Variants in NCOA1 observed in about 807,000 individuals in gnomAD.
The protein encoded by NCOA1 is Hin-2 protein.
Under a neutral mutation model 150.9 loss-of-function variants are expected in NCOA1, and 35 were observed. The observed-to-expected ratio is 0.23, with a 90% CI of 0.18 to 0.31. The LOEUF is 0.31. NCOA1 is among the 10% of genes least tolerant of loss of function. The probability of loss-of-function intolerance (pLI) is 1.00; values close to 1 mark genes in which losing one functional copy is unlikely to be tolerated. For missense variants in NCOA1, 1,491 were observed against 1,749.3 expected, an observed-to-expected ratio of 0.85 and a Z score of 2.63; for synonymous variants, 590 against 630.0, an observed-to-expected ratio of 0.94 and a Z score of 0.95.
At chr2:24,673,647 T>C (rs1671779227) in intron 7 of NCOA1, among the ~76,000 whole-genome samples, 184 bp downstream of exon 7, 2 of 152,212 alleles carry the variant, frequency 1.3e-5, no homozygotes. Flanking sequence ...AAGTGAATAA[T>C]GAACATGAGA....
chr2:24,768,333 G>A lies in NCOA1; in HGVS notation c.4268G>A (p.Gly1423Glu), dbSNP rs777265939. 4 of 1,613,530 alleles carry A rather than the reference G, an allele frequency of 2.5e-6. No individual in the cohort carries two copies. The South Asian group carries it at 4.4e-5, about 18-fold the overall frequency. ...CTGGGAACTCAAAAGCCCACGTCAG[G>A]ACCACAGACCCCCCAGGCCCAGCAG... ...GPLGTQKPTSGPQTPQAQQKS... is the reference protein window; with the variant it reads ...GPLGTQKPTSEPQTPQAQQKS... The change falls in exon 23 of 23, where the codon GGA becomes GAA. Residue 1423 changes from glycine (G) to glutamate (E), a missense_variant. By Grantham distance (98) the Gly-to-Glu change is moderately conservative. Transcript: ENST00000348332.
chr2:24,616,386 A>G (rs537694253), intron 3 of NCOA1, among the ~76,000 whole-genome samples: 7 of 152,308 alleles, frequency 4.6e-5, no homozygotes, highest in African/African-American at 7.2e-5. Context: ...TCTTTCTCCA[A>G]TGTTCCCAAT....
At chr2:24,764,613 A>G (rs1408078155) in intron 22 of NCOA1, among the ~76,000 whole-genome samples, 1 of 152,250 alleles carries the variant, frequency 6.6e-6, no homozygotes, top group Middle Eastern at 3.2e-3. Context: ...AACCAAATCA[A>G]CTGAAGGTAA....
At chr2:24,638,528 T>C (rs1400307415) in intron 3 of NCOA1, among the ~76,000 whole-genome samples, 1 of 152,174 alleles carries the variant, frequency 6.6e-6, no homozygotes, top group Non-Finnish European at 1.5e-5. Context: ...TATATGGTAG[T>C]TGTATTTGTA....
rs1572622579 is a variant in NCOA1, at chr2:24,707,817, C to G, written c.2347C>G (p.Pro783Ala). The change falls in exon 13 of 23, where the codon CCA becomes GCA. Residue 783 changes from proline (P) to alanine (A), a missense_variant. Pro to Ala is a conservative substitution (Grantham distance 27). Transcript: ENST00000348332. ...VKVEKKEQMD[P>A]CNTNPTPMTK... ...AGTGGAAAAGAAAGAACAGATGGAT[C>G]CATGTAATACAAACCCAACCCCAAT... is the stretch of plus-strand genomic sequence containing the variant. 1.2e-5 allele frequency: 19 copies of G among 1,614,030 alleles called. No homozygotes were observed. Among genetic ancestry groups the G allele is most frequent in the Non-Finnish European group, 1.6e-5 (19 of 1,179,958 alleles).
At chr2:24,582,067 C>G (rs1457918575) in intron 2 of NCOA1, among the ~76,000 whole-genome samples, 1 of 152,140 alleles carries the variant, frequency 6.6e-6, no homozygotes, top group Non-Finnish European at 1.5e-5. Context: ...TGCCCACTTT[C>G]ATCACTCTTA....
At chr2:24,626,100 G>A (rs1337705140) in intron 3 of NCOA1, among the ~76,000 whole-genome samples, 1 of 152,158 alleles carries the variant, frequency 6.6e-6, no homozygotes, top group East Asian at 1.9e-4. Context: ...TGAGAGAGGG[G>A]CATTAAAATC....
intron 3 of NCOA1, among the ~76,000 whole-genome samples, chr2:24,632,644 A>G (rs1404703968): frequency 2.0e-5 from 3 of 152,196 alleles, no homozygotes; most frequent in African/African-American, 7.2e-5. Flanking sequence ...CAGGCAGGAA[A>G]TAGGAGGAAT....
At chr2:24,525,511 T>C (rs1181305510) in intron 1 of NCOA1, among the ~76,000 whole-genome samples, 1 of 152,074 alleles carries the variant, frequency 6.6e-6, no homozygotes, top group Non-Finnish European at 1.5e-5. Flanking sequence ...AATGTGGAAA[T>C]AGCTACTTCA....
At chr2:24,591,771 C>T (rs549927319) in intron 3 of NCOA1, among the ~76,000 whole-genome samples, 1 of 152,128 alleles carries the variant, frequency 6.6e-6, no homozygotes, top group East Asian at 1.9e-4. Context: ...CTGTTTCTCT[C>T]ATTTTTAAAT....
At chr2:24,760,526 C>T (rs1039183221) in intron 21 of NCOA1, among the ~76,000 whole-genome samples, 3 of 152,040 alleles carry the variant, frequency 2.0e-5, no homozygotes, top group Non-Finnish European at 4.4e-5. Flanking sequence ...AAGTCTTTCA[C>T]CTTCATCTTT....
intron 1 of NCOA1, among the ~76,000 whole-genome samples, chr2:24,505,476 G>A (rs1663654955): frequency 6.6e-6 from 1 of 152,120 alleles, no homozygotes; most frequent in African/African-American, 2.4e-5. Flanking sequence ...ACTGTGCTTG[G>A]CTATTTTTTC....
chr2:24,509,456 G>A (rs746570105), intron 1 of NCOA1, among the ~76,000 whole-genome samples: 4 of 152,218 alleles, frequency 2.6e-5, no homozygotes, highest in Non-Finnish European at 4.4e-5. Flanking sequence ...ATTAAAGTGA[G>A]AAGTACGCTG....
At chr2:24,536,984 GA>G (rs1214670988) in intron 1 of NCOA1, among the ~76,000 whole-genome samples, 2 of 152,064 alleles carry the variant, frequency 1.3e-5, no homozygotes, top group East Asian at 3.8e-4. Context: ...GAGGTTGGGA[GA>G]GGGGGCAAAG....
chr2:24,557,863 C>G (rs775289620), intron 1 of NCOA1, among the ~76,000 whole-genome samples: 7 of 151,046 alleles, frequency 4.6e-5, no homozygotes, highest in Admixed American at 4.0e-4. Flanking sequence ...ATTTTTTTCT[C>G]TCTCTAACTT....
intron 2 of NCOA1, among the ~76,000 whole-genome samples, chr2:24,571,335 T>C (rs1439502670): frequency 1.3e-5 from 2 of 152,228 alleles, no homozygotes; most frequent in Non-Finnish European, 2.9e-5. Context: ...TGCTCAGTTA[T>C]ATTTCTGATA....
At position 24,768,769 on chromosome 2, in the gene NCOA1, C is replaced by T. The variant is rs1040072132; in HGVS notation, c.*378C>T. ...GAAGAAGATGAAGCTCCGCCTCCGCCGCTTAGTCCCAACCCTGCCCAGGAA... is the reference window on the plus strand; with the variant it reads ...GAAGAAGATGAAGCTCCGCCTCCGCTGCTTAGTCCCAACCCTGCCCAGGAA... On this transcript the variant is annotated 3_prime_UTR_variant, in exon 23 of 23. Coordinates refer to ENST00000348332, the MANE Select transcript of NCOA1 (RefSeq NM_003743.5). 1.8e-5 allele frequency: 4 copies of T among 227,244 alleles called. No homozygotes were observed. Among genetic ancestry groups the T allele is most frequent in the South Asian group, 1.8e-4 (1 of 5,630 alleles). 14.1% of individuals were successfully genotyped at this position (227,244 alleles called of 1,614,324 possible). A position where few individuals can be genotyped will look rare whatever the true frequency, so the allele number is the denominator to read the frequency against.
At chr2:24,504,075 G>A (rs879388193) in intron 1 of NCOA1, among the ~76,000 whole-genome samples, 8 of 152,136 alleles carry the variant, frequency 5.3e-5, no homozygotes, top group Admixed American at 6.5e-5. Context: ...CTTCCAGATT[G>A]TAAATTATAG....
At chr2:24,763,925 C>CTTTA (rs370974022) in intron 22 of NCOA1, among the ~76,000 whole-genome samples, 1 of 152,166 alleles carries the variant, frequency 6.6e-6, no homozygotes, top group East Asian at 1.9e-4. Flanking sequence ...CCAGGCCAGA[C>CTTTA]TTTAGTCTCT....
Sources: gnomAD v4.1 joint callset for allele counts (sites outside exome capture counted in the v4.1 genomes callset) on GRCh38, gnomAD v4.1.1 for gene constraint, MANE v1.5 for transcripts, NCBI Gene and HGNC (gene_info 2026-07-23, HGNC 2026-07-21) for gene names.